Variants in EYA2 observed in about 807,000 individuals in gnomAD.
EYA2 encodes protein phosphatase EYA2.
EYA2 carries 31 observed loss-of-function variants against 69.2 expected under a neutral mutation model. The observed-to-expected ratio is 0.45, with a 90% CI of 0.34 to 0.60. The LOEUF is 0.60. Among genes scored for constraint, EYA2 ranks in the 20% least tolerant of loss-of-function variants. EYA2 has a pLI of 0.02. For synonymous variants in EYA2, 257 were observed against 279.4 expected (o/e 0.92, Z 0.80); for missense variants, 622 against 701.2 (o/e 0.89, Z 1.28).
intron 15 of EYA2, among the ~76,000 whole-genome samples, chr20:47,185,108 G>A (rs1235773237): frequency 2.0e-5 from 3 of 152,022 alleles, no homozygotes; most frequent in East Asian, 1.9e-4. Context: ...GACTGTTTCC[G>A]CTGACAGTGT....
chr20:47,027,634 G>A (rs1310276456), intron 5 of EYA2, among the ~76,000 whole-genome samples: 1 of 152,164 alleles, frequency 6.6e-6, no homozygotes, highest in Non-Finnish European at 1.5e-5. Context: ...GAGGTAACAG[G>A]CGGAAACAGC....
intron 5 of EYA2, among the ~76,000 whole-genome samples, chr20:47,057,264 G>T (rs1053684760): frequency 1.3e-5 from 2 of 152,184 alleles, no homozygotes; most frequent in Non-Finnish European, 2.9e-5. Context: ...TGAAAGGTTT[G>T]CCCAGGAGGT....
intron 4 of EYA2, among the ~76,000 whole-genome samples, chr20:47,013,008 T>C (rs1396239986): frequency 6.6e-6 from 1 of 152,254 alleles, no homozygotes; most frequent in Non-Finnish European, 1.5e-5. Flanking sequence ...TCATATTCTC[T>C]TCTCTTTCTC....
At chr20:47,187,913 C>A in intron 15 of EYA2, 140 bp from the exon 16 acceptor site, 2 of 794,594 alleles carry the variant, frequency 2.5e-6, no homozygotes, top group Non-Finnish European at 2.1e-6. Context: ...CTGCCAGCAA[C>A]ATCAAGTGCC....
chr20:47,109,742 A>G (rs2032695429), intron 9 of EYA2, among the ~76,000 whole-genome samples: 1 of 152,118 alleles, frequency 6.6e-6, no homozygotes, highest in Non-Finnish European at 1.5e-5. Flanking sequence ...ACTCTAACAC[A>G]ATAGTTTTTA....
At chr20:46,954,155 C>G (rs1978977152) in intron 1 of EYA2, among the ~76,000 whole-genome samples, 1 of 152,182 alleles carries the variant, frequency 6.6e-6, no homozygotes, top group South Asian at 2.1e-4. Context: ...GGGGTCTGCT[C>G]AAATATCACC....
At chr20:47,123,460 T>C (rs1186423929) in intron 9 of EYA2, among the ~76,000 whole-genome samples, 1 of 152,148 alleles carries the variant, frequency 6.6e-6, no homozygotes, top group East Asian at 1.9e-4. Flanking sequence ...TGAAAGCCAC[T>C]AGCTAGAGGA....
chr20:47,057,749 G>A (rs1167093834), intron 5 of EYA2, among the ~76,000 whole-genome samples: 2 of 152,184 alleles, frequency 1.3e-5, no homozygotes, highest in African/African-American at 4.8e-5. Context: ...GCACTGCCGG[G>A]GCTGGCATGT....
intron 9 of EYA2, among the ~76,000 whole-genome samples, chr20:47,133,913 A>G (rs1206829): frequency 0.64 from 96,635 of 152,142 alleles, 32,537 homozygotes; most frequent in African/African-American, 0.88. Flanking sequence ...GCAAAAATAG[A>G]CATTCACCAT....
chr20:47,143,490 G>GGC (rs1250416425), intron 10 of EYA2, among the ~76,000 whole-genome samples: 1 of 152,106 alleles, frequency 6.6e-6, no homozygotes, highest in Non-Finnish European at 1.5e-5. Context: ...AGTTTATTAA[G>GGC]GCAAATTAGT....
At chr20:47,016,611 T>C (rs868181458) in intron 5 of EYA2, among the ~76,000 whole-genome samples, 3 of 152,188 alleles carry the variant, frequency 2.0e-5, no homozygotes, top group East Asian at 1.9e-4. Context: ...TTTGTGACTT[T>C]AGATCAAATC....
intron 9 of EYA2, among the ~76,000 whole-genome samples, chr20:47,103,520 C>T (rs1427113560): frequency 6.6e-6 from 1 of 152,206 alleles, no homozygotes; most frequent in Non-Finnish European, 1.5e-5. Context: ...CACAGTTCTG[C>T]GTGGCTGGAG....
chr20:47,085,102 G>T (rs1179280162), intron 7 of EYA2, among the ~76,000 whole-genome samples: 1 of 151,772 alleles, frequency 6.6e-6, no homozygotes, highest in Admixed American at 6.6e-5. Context: ...CTCCCAAAGT[G>T]CTAGGATTAC....
chr20:47,005,493 G>A (rs116352116), intron 4 of EYA2, among the ~76,000 whole-genome samples: 1 of 152,198 alleles, frequency 6.6e-6, no homozygotes, highest in Non-Finnish European at 1.5e-5. Flanking sequence ...CTCAAGGTTT[G>A]CATCCTTTTA....
intron 1 of EYA2, among the ~76,000 whole-genome samples, chr20:46,919,700 G>A (rs914891588): frequency 6.6e-5 from 10 of 152,216 alleles, no homozygotes; most frequent in African/African-American, 1.9e-4. Flanking sequence ...GTGTGTTCAC[G>A]GGAGTAGCAC....
intron 12 of EYA2, among the ~76,000 whole-genome samples, chr20:47,175,792 G>A (rs914203531): frequency 5.9e-5 from 9 of 152,140 alleles, no homozygotes; most frequent in African/African-American, 2.2e-4. Flanking sequence ...TTGTGAGTTT[G>A]TATTGTTACT....
chr20:46,926,524 C>T (rs575085534), intron 1 of EYA2, among the ~76,000 whole-genome samples: 37 of 152,326 alleles, frequency 2.4e-4, no homozygotes, highest in Admixed American at 5.9e-4. Flanking sequence ...TTGTTCTGTT[C>T]ATGTCCTCAG....
At position 46,906,356 on chromosome 20, in the gene EYA2, C is replaced by A. The variant is rs148108311; in HGVS notation, c.-11+11369C>A. ...GCAGGCTGCGTACGACAAATTCCAC[C>A]CAAATACCCAGAACCTTTTACTAAC... is the stretch of plus-strand genomic sequence containing the variant. On this transcript the variant is annotated intron_variant, in intron 1 of 15. Coordinates refer to ENST00000327619, the MANE Select transcript of EYA2 (RefSeq NM_005244.5). Among the ~76,000 whole-genome samples the A allele has an allele frequency of 5.7e-3, 872 of 152,270 alleles. 2 individuals carry two copies. Among genetic ancestry groups the A allele is most frequent in the Admixed American group, 9.3e-3 (142 of 15,286 alleles).
At chr20:46,906,965 G>T (rs1174693248) in intron 1 of EYA2, among the ~76,000 whole-genome samples, 1 of 152,102 alleles carries the variant, frequency 6.6e-6, no homozygotes, top group Non-Finnish European at 1.5e-5. Flanking sequence ...TATCTTTAGG[G>T]TACAGTACAC....
Sources: gnomAD v4.1 joint callset for allele counts (sites outside exome capture counted in the v4.1 genomes callset) on GRCh38, gnomAD v4.1.1 for gene constraint, MANE v1.5 for transcripts, NCBI Gene and HGNC (gene_info 2026-07-23, HGNC 2026-07-21) for gene names.